Variants in PRKCE observed in about 807,000 individuals in gnomAD.
PRKCE encodes the protein protein kinase C epsilon.
PRKCE carries 16 observed loss-of-function variants against 85.4 expected under a neutral mutation model. That is an observed-to-expected ratio of 0.19 (90% CI 0.13 to 0.28). The LOEUF (loss-of-function observed/expected upper bound fraction) is 0.28. Among genes scored for constraint, PRKCE ranks in the 10% least tolerant of loss-of-function variants. The probability of loss-of-function intolerance (pLI) is 1.00; values close to 1 mark genes in which losing one functional copy is unlikely to be tolerated. For synonymous variants in PRKCE, 388 were observed against 371.5 expected (o/e 1.04, Z -0.51); for missense variants, 573 against 975.2 (o/e 0.59, Z 5.49).
chr2:45,983,362 T>TC (rs1180410416), intron 5 of PRKCE, among the ~76,000 whole-genome samples: 1 of 152,030 alleles, frequency 6.6e-6, no homozygotes, highest in Non-Finnish European at 1.5e-5. Context: ...CACTTCCTAA[T>TC]CCCCGGGGTA....
chr2:46,028,569 G>A (rs1192003508), intron 10 of PRKCE, among the ~76,000 whole-genome samples: 1 of 152,098 alleles, frequency 6.6e-6, no homozygotes, highest in Non-Finnish European at 1.5e-5. Context: ...GCCACCACTG[G>A]TTGAAAATAA....
intron 10 of PRKCE, among the ~76,000 whole-genome samples, chr2:46,061,859 C>CTTTTTTTTTTTTTT (rs10695600): frequency 9.3e-6 from 1 of 107,746 alleles, no homozygotes; most frequent in African/African-American, 4.0e-5. Context: ...TTTTCTTTTT[C>CTTTTTTTTTTTTTT]TTTTTTTTTT....
intron 2 of PRKCE, among the ~76,000 whole-genome samples, chr2:45,938,460 C>A (rs557005719): frequency 1.3e-5 from 2 of 152,164 alleles, no homozygotes; most frequent in Non-Finnish European, 2.9e-5. Context: ...ATCCTCCCTA[C>A]CCACTCTATA....
At position 45,761,252 on chromosome 2, in the gene PRKCE, G is replaced by A. The variant is rs573769216; in HGVS notation, c.349-81748G>A. On this transcript the variant is annotated intron_variant, in intron 1 of 14. Coordinates refer to ENST00000306156, the MANE Select transcript of PRKCE (RefSeq NM_005400.3). ...TGAGGCAGGAGAATGGCGTGAACCCGGGAGGCAGAGCTTGCAGTAAGCCGA... is the reference window on the plus strand; with the variant it reads ...TGAGGCAGGAGAATGGCGTGAACCCAGGAGGCAGAGCTTGCAGTAAGCCGA... 4.4e-4 allele frequency among the ~76,000 whole-genome samples: 66 copies of A among 148,596 alleles called. No homozygotes were observed. The East Asian group carries it at 7.6e-3, about 17-fold the overall frequency.
chr2:45,687,155 G>T (rs565263918), intron 1 of PRKCE, among the ~76,000 whole-genome samples: 1 of 151,996 alleles, frequency 6.6e-6, no homozygotes, highest in African/African-American at 2.4e-5. Flanking sequence ...GTCCATGAAA[G>T]CTTCATGGAC....
intron 11 of PRKCE, among the ~76,000 whole-genome samples, chr2:46,128,796 C>T (rs540011752): frequency 6.6e-6 from 1 of 152,300 alleles, no homozygotes; most frequent in Non-Finnish European, 1.5e-5. Flanking sequence ...CACCTAAAGA[C>T]CTTCTGCACT....
chr2:46,135,168 T>C (rs1188516035), intron 11 of PRKCE, among the ~76,000 whole-genome samples: 1 of 152,208 alleles, frequency 6.6e-6, no homozygotes, highest in Non-Finnish European at 1.5e-5. Context: ...TCTCTCCAGT[T>C]GAGAGGACAT....
chr2:45,832,149 G>A (rs1009395920), intron 1 of PRKCE, among the ~76,000 whole-genome samples: 18 of 151,988 alleles, frequency 1.2e-4, no homozygotes, highest in Non-Finnish European at 2.6e-4. Context: ...AATATTCCCC[G>A]GAGAGCAATT....
intron 1 of PRKCE, among the ~76,000 whole-genome samples, chr2:45,672,132 G>A (rs1192447496): frequency 1.3e-5 from 2 of 151,404 alleles, no homozygotes; most frequent in Non-Finnish European, 2.9e-5. Context: ...TGAGTAAACA[G>A]GTTTCCTGAT....
At chr2:45,834,570 G>T (rs114392517) in intron 1 of PRKCE, among the ~76,000 whole-genome samples, 4,035 of 151,616 alleles carry the variant, frequency 0.027, 84 homozygotes, top group East Asian at 0.1. Context: ...CGTATGTGCA[G>T]ATCACGTGTG....
chr2:45,680,303 G>A (rs1676789013), intron 1 of PRKCE, among the ~76,000 whole-genome samples: 1 of 152,238 alleles, frequency 6.6e-6, no homozygotes, highest in Non-Finnish European at 1.5e-5. Context: ...GGAGATGTTA[G>A]TTTGTTAGTG....
intron 1 of PRKCE, among the ~76,000 whole-genome samples, chr2:45,665,834 G>T (rs1384677669): frequency 1.3e-5 from 2 of 152,138 alleles, no homozygotes; most frequent in East Asian, 1.9e-4. Context: ...CTAGGCTTCT[G>T]CTTCCCACTA....
intron 2 of PRKCE, among the ~76,000 whole-genome samples, chr2:45,914,664 T>A (rs1697628571): frequency 6.6e-6 from 1 of 152,174 alleles, no homozygotes; most frequent in Non-Finnish European, 1.5e-5. Context: ...TTTCTACACA[T>A]GTTAAAGTCA....
chr2:45,955,176 A>C (rs901827186), intron 2 of PRKCE, among the ~76,000 whole-genome samples: 2 of 152,244 alleles, frequency 1.3e-5, no homozygotes, highest in African/African-American at 2.4e-5. Context: ...AGTTCAAAGA[A>C]GAAAAAGATC....
intron 10 of PRKCE, among the ~76,000 whole-genome samples, chr2:46,047,786 C>T (rs6712359): frequency 9.9e-5 from 15 of 152,054 alleles, no homozygotes; most frequent in African/African-American, 3.6e-4. Flanking sequence ...AAGATTTTTT[C>T]AATAGGGAGG....
chr2:45,879,842 G>A (rs532927894), intron 2 of PRKCE, among the ~76,000 whole-genome samples: 3 of 152,210 alleles, frequency 2.0e-5, no homozygotes, highest in Non-Finnish European at 4.4e-5. Flanking sequence ...AGGATAATTA[G>A]CATATCCACA....
chr2:46,009,120 CT>C (rs1465684256), intron 9 of PRKCE, among the ~76,000 whole-genome samples: 1 of 152,134 alleles, frequency 6.6e-6, no homozygotes, highest in Non-Finnish European at 1.5e-5. Context: ...GATAGGAACA[CT>C]TTAAGAACAT....
At chr2:45,848,017 C>G (rs985392323) in intron 2 of PRKCE, among the ~76,000 whole-genome samples, 6 of 152,196 alleles carry the variant, frequency 3.9e-5, no homozygotes, top group Non-Finnish European at 7.3e-5. Context: ...GACCTGCCCT[C>G]CTTGCTAGAG....
rs1697039861 is a variant in PRKCE at position 45,907,113 on chromosome 2, T to C, written c.412+64050T>C. Among the ~76,000 whole-genome samples, 1 of 152,134 alleles carries C rather than the reference T, an allele frequency of 6.6e-6. No homozygotes were observed. Among genetic ancestry groups the C allele is most frequent in the South Asian group, 2.1e-4 (1 of 4,820 alleles). On this transcript the variant is annotated intron_variant, in intron 2 of 14. Transcript: ENST00000306156. The surrounding 1 kb of genome is among the most constrained non-coding windows in gnomAD (Gnocchi z 4.5). ...AGGCGGTCAGAGGGTACACGCTCCA[T>C]GTTAAATTTCTGAGGAGCAAAGGTA...
Sources: allele counts gnomAD v4.1 joint callset (sites outside exome capture counted in the v4.1 genomes callset), GRCh38; gene constraint gnomAD v4.1.1; non-coding constraint Gnocchi (gnomAD v3.1); transcripts MANE v1.5; gene names NCBI Gene and HGNC (gene_info 2026-07-23, HGNC 2026-07-21).